LARGE1: variants seen among roughly 807,000 people sequenced by gnomAD.
LARGE1 encodes the protein xylosyl- and glucuronyltransferase LARGE1.
LARGE1 carries 43 observed loss-of-function variants against 87.6 expected under a neutral mutation model. The observed-to-expected ratio is 0.49, with a 90% CI of 0.38 to 0.63. The LOEUF (loss-of-function observed/expected upper bound fraction) is 0.63. LARGE1 is among the 30% of genes least tolerant of loss of function. The pLI is 0.00. For missense variants in LARGE1, 802 were observed against 1,000.2 expected (o/e 0.80, Z 2.67); for synonymous variants, 434 against 394.6 (o/e 1.10, Z -1.18).
intron 5 of LARGE1, among the ~76,000 whole-genome samples, chr22:33,572,869 CAA>C: frequency 6.6e-6 from 1 of 150,954 alleles, no homozygotes; most frequent in South Asian, 2.1e-4. Context: ...GACTTTGTCT[CAA>C]AAAAAATTAA....
At chr22:33,133,893 A>T in the LARGE1 span, among the ~76,000 whole-genome samples, 10 of 152,218 alleles carry the variant, frequency 6.6e-5, no homozygotes, top group African/African-American at 2.4e-4. Context: ...GCTGGGTTAA[A>T]GATGACTTCT....
chr22:33,697,570 A>AAAAAAAC (rs1556001717), intron 2 of LARGE1, among the ~76,000 whole-genome samples: 1 of 150,836 alleles, frequency 6.6e-6, no homozygotes, highest in African/African-American at 2.4e-5. Flanking sequence ...AAAAAAAAAA[A>AAAAAAAC]GGAAATACAT....
intron 11 of LARGE1, among the ~76,000 whole-genome samples, chr22:33,305,902 G>C (rs1353208955): frequency 6.8e-6 from 1 of 147,770 alleles, no homozygotes; most frequent in African/African-American, 2.6e-5. Flanking sequence ...GCAGTGGCGT[G>C]ATCTCAGCTC....
chr22:33,144,083 C>T, the LARGE1 span, among the ~76,000 whole-genome samples: 1 of 151,918 alleles, frequency 6.6e-6, no homozygotes, highest in Non-Finnish European at 1.5e-5. Flanking sequence ...CTCTCTTGTC[C>T]TATGTCTGTT....
In LARGE1 at chr22:33,564,793, T is replaced by C. The variant is rs920548433; in HGVS notation, c.787+55A>G. The stretch of plus-strand genomic sequence containing the variant: ...TTTTAAAAAAGTCAACCCCTATTCT[T>C]GGCATGCTGATACCTACAAGGATAT... On this transcript the variant is annotated intron_variant, in intron 6 of 14. Coordinates refer to ENST00000397394, the MANE Select transcript of LARGE1 (RefSeq NM_133642.5). 1.9e-6 allele frequency: 3 copies of C among 1,590,692 alleles called. No homozygotes were observed. The African/African-American group carries it at 4.0e-5, about 21-fold the overall frequency.
intron 2 of LARGE1, among the ~76,000 whole-genome samples, chr22:33,713,206 G>T (rs977137585): frequency 2.6e-5 from 4 of 152,096 alleles, no homozygotes; most frequent in African/African-American, 9.7e-5. Context: ...ATGCATAATA[G>T]TCCCAGAAGG....
intron 11 of LARGE1, among the ~76,000 whole-genome samples, chr22:33,191,109 A>C (rs574728920): frequency 7.2e-5 from 11 of 152,316 alleles, no homozygotes; most frequent in African/African-American, 2.6e-4. Context: ...TTGACAGTTT[A>C]TGTATGTTTG....
chr22:33,692,844 T>C (rs1302359778), intron 2 of LARGE1, among the ~76,000 whole-genome samples: 1 of 152,042 alleles, frequency 6.6e-6, no homozygotes, highest in African/African-American at 2.4e-5. Flanking sequence ...GTTTAGGTAT[T>C]AAAGAAAAAA....
chr22:33,131,949 C>A, the LARGE1 span, among the ~76,000 whole-genome samples: 1 of 152,036 alleles, frequency 6.6e-6, no homozygotes, highest in Non-Finnish European at 1.5e-5. Flanking sequence ...AAAGTCACAT[C>A]TTACATGGAT....
At chr22:33,909,520 T>C (rs1250501753) in intron 1 of LARGE1, among the ~76,000 whole-genome samples, 3 of 138,198 alleles carry the variant, frequency 2.2e-5, no homozygotes, top group African/African-American at 8.8e-5. Context: ...ACTTCTTCTT[T>C]TGTTTTTTTT....
intron 3 of LARGE1, among the ~76,000 whole-genome samples, chr22:33,628,045 C>T (rs904830249): frequency 2.0e-5 from 3 of 152,246 alleles, no homozygotes; most frequent in Admixed American, 2.0e-4. Context: ...AAATGCAAAT[C>T]CCCAACCCAG....
At chr22:33,832,698 GC>G (rs2063006210) in intron 1 of LARGE1, among the ~76,000 whole-genome samples, 1 of 152,194 alleles carries the variant, frequency 6.6e-6, no homozygotes, top group African/African-American at 2.4e-5. Context: ...GCTCCCAGCT[GC>G]CAGCAAAAAG....
At chr22:33,120,861 C>G in the LARGE1 span, among the ~76,000 whole-genome samples, 2 of 151,972 alleles carry the variant, frequency 1.3e-5, no homozygotes, top group African/African-American at 4.8e-5. Flanking sequence ...CTGCTCCTGC[C>G]TGTAAACCGC....
intron 2 of LARGE1, chr22:33,737,652 G>C (rs2083704732): frequency 6.6e-6 from 1 of 152,214 alleles, no homozygotes; most frequent in Non-Finnish European, 1.5e-5. Flanking sequence ...GGAGCAAAGA[G>C]TGAAAAGTCT....
chr22:33,918,221 T>C (rs1421646033), intron 1 of LARGE1, among the ~76,000 whole-genome samples: 1 of 152,136 alleles, frequency 6.6e-6, no homozygotes, highest in Non-Finnish European at 1.5e-5. Context: ...CTGCATTGGC[T>C]CACATCAAAA....
intron 5 of LARGE1, among the ~76,000 whole-genome samples, chr22:33,589,024 A>G (rs5754618): frequency 0.49 from 74,631 of 152,052 alleles, 18,434 homozygotes; most frequent in Middle Eastern, 0.53. Context: ...TCAGGCAACT[A>G]GCCGCAATAA....
At chr22:33,515,070 A>G (rs926327756) in intron 6 of LARGE1, among the ~76,000 whole-genome samples, 2 of 152,116 alleles carry the variant, frequency 1.3e-5, no homozygotes, top group Non-Finnish European at 2.9e-5. Flanking sequence ...AAGTTCTCAG[A>G]AAACAGTAGA....
chr22:33,680,503 T>C (rs1336547476), intron 2 of LARGE1, among the ~76,000 whole-genome samples: 2 of 150,136 alleles, frequency 1.3e-5, no homozygotes, highest in Admixed American at 1.3e-4. Context: ...AAATTTGTAT[T>C]GATCAGCCTT....
At position 33,247,884 on chromosome 22, in the gene LARGE1, G is replaced by C. The variant is rs1227227606; in HGVS notation, c.1730+56345C>G. Among the ~76,000 whole-genome samples, 6 of 152,148 alleles carry C rather than the reference G, an allele frequency of 3.9e-5. No individual in the cohort carries two copies. In the East Asian group the frequency reaches 9.6e-4, roughly 24 times the overall value. On this transcript the variant is annotated intron_variant, in intron 11 of 11. Coordinates refer to the LARGE1 transcript ENST00000608642. ...TGGTCTGGAAATGCTGAGGAACTGA[G>C]AAACACTATTCTAGAAATTCTGACT...
Sources: allele counts gnomAD v4.1 joint callset (sites outside exome capture counted in the v4.1 genomes callset), GRCh38; gene constraint gnomAD v4.1.1; transcripts MANE v1.5; gene names NCBI Gene and HGNC (gene_info 2026-07-23, HGNC 2026-07-21).